CACNA2D3: variants seen among roughly 807,000 people sequenced by gnomAD.
CACNA2D3 encodes voltage-dependent calcium channel subunit alpha-2/delta-3.
A neutral mutation model predicts 160.6 loss-of-function variants in CACNA2D3; 60 were observed. The ratio of observed to expected loss-of-function variants is 0.37; its 90% CI spans 0.30 to 0.46. The LOEUF (loss-of-function observed/expected upper bound fraction) is 0.46. Ranked by LOEUF, CACNA2D3 falls within the 20% of genes least tolerant of loss-of-function variation. The pLI, the probability that CACNA2D3 is intolerant of heterozygous loss-of-function variation, is 1.00. For missense variants in CACNA2D3, 1,205 were observed against 1,365.0 expected (o/e 0.88, Z 1.85); for synonymous variants, 558 against 492.9 (o/e 1.13, Z -1.75).
At chr3:54,508,601 A>G (rs1701409326) in intron 5 of CACNA2D3, among the ~76,000 whole-genome samples, 1 of 152,242 alleles carries the variant, frequency 6.6e-6, no homozygotes, top group African/African-American at 2.4e-5. Flanking sequence ...GCACAGAGGA[A>G]GAAAAAACAT....
chr3:54,464,165 G>T (rs920867398), intron 4 of CACNA2D3, among the ~76,000 whole-genome samples: 1 of 152,200 alleles, frequency 6.6e-6, no homozygotes, highest in Non-Finnish European at 1.5e-5. Context: ...GCCGTGTGAG[G>T]TGTCAGTCTG....
At chr3:54,990,144 G>A (rs1053316804) in intron 31 of CACNA2D3, among the ~76,000 whole-genome samples, 1 of 152,198 alleles carries the variant, frequency 6.6e-6, no homozygotes, top group African/African-American at 2.4e-5. Flanking sequence ...CTCGAGATCA[G>A]TTTACTGTGC....
intron 31 of CACNA2D3, among the ~76,000 whole-genome samples, chr3:54,992,051 C>T (rs1702754756): frequency 6.6e-6 from 1 of 152,078 alleles, no homozygotes; most frequent in Non-Finnish European, 1.5e-5. Context: ...ATTCATGGAC[C>T]TGAACTCTCT....
At chr3:54,986,185 C>T (rs1463371902) in intron 30 of CACNA2D3, among the ~76,000 whole-genome samples, 1 of 152,118 alleles carries the variant, frequency 6.6e-6, no homozygotes, top group East Asian at 1.9e-4. Context: ...TGGATGTCTT[C>T]CGGGGGTGAG....
intron 31 of CACNA2D3, among the ~76,000 whole-genome samples, chr3:55,003,253 G>C (rs531327288): frequency 4.1e-4 from 62 of 152,234 alleles, no homozygotes; most frequent in African/African-American, 1.4e-3. Flanking sequence ...ACTCAGGCTC[G>C]ACTTTACATG....
intron 34 of CACNA2D3, among the ~76,000 whole-genome samples, chr3:55,012,659 CA>C (rs1703234963): frequency 6.6e-6 from 1 of 152,130 alleles, no homozygotes; most frequent in Non-Finnish European, 1.5e-5. Flanking sequence ...GCTGTCATAG[CA>C]TGGGGGAGGA....
At chr3:55,065,526 G>A (rs1704614259) in intron 35 of CACNA2D3, among the ~76,000 whole-genome samples, 1 of 152,276 alleles carries the variant, frequency 6.6e-6, no homozygotes, top group South Asian at 2.1e-4. Flanking sequence ...TTTACCCTTA[G>A]GCATGGGTCA....
chr3:54,383,735 G>A (rs1037706280), intron 3 of CACNA2D3, among the ~76,000 whole-genome samples: 1 of 151,798 alleles, frequency 6.6e-6, no homozygotes, highest in Non-Finnish European at 1.5e-5. Flanking sequence ...TAACTTGAAC[G>A]TGAACATAAA....
chr3:54,791,742 G>T (rs1364255172), intron 13 of CACNA2D3, among the ~76,000 whole-genome samples: 4 of 151,968 alleles, frequency 2.6e-5, no homozygotes, highest in African/African-American at 9.7e-5. Flanking sequence ...ACCAGATTTT[G>T]CTTTAAAAAA....
At chr3:54,410,739 A>G (rs1699653437) in intron 4 of CACNA2D3, among the ~76,000 whole-genome samples, 3 of 152,210 alleles carry the variant, frequency 2.0e-5, no homozygotes, top group Admixed American at 1.3e-4. Context: ...CATGCCTGCT[A>G]ACGCAACATC....
chr3:54,333,616 G>A (rs1394825868), intron 3 of CACNA2D3, among the ~76,000 whole-genome samples: 1 of 152,004 alleles, frequency 6.6e-6, no homozygotes, highest in Non-Finnish European at 1.5e-5. Context: ...CGAGAGTGAA[G>A]CCCCCGGGGC....
chr3:54,182,971 T>C (rs1023825437), intron 2 of CACNA2D3, among the ~76,000 whole-genome samples: 8 of 152,232 alleles, frequency 5.3e-5, no homozygotes, highest in Non-Finnish European at 8.8e-5. Flanking sequence ...TGACATTTCT[T>C]TAAATCACAA....
chr3:54,187,366 G>A (rs1700896362), intron 2 of CACNA2D3, among the ~76,000 whole-genome samples: 1 of 152,150 alleles, frequency 6.6e-6, no homozygotes, highest in Non-Finnish European at 1.5e-5. Context: ...GATTTTAAAG[G>A]CTTGACAATT....
At position 54,896,806 on chromosome 3, in the gene CACNA2D3, C is replaced by G. The variant is rs1469169292; in HGVS notation, c.2304C>G (p.Leu768=). 1.9e-6 allele frequency: 3 copies of G among 1,614,058 alleles called. No homozygotes were observed. Among genetic ancestry groups the G allele is most frequent in the Middle Eastern group, 3.3e-4 (2 of 6,062 alleles). The change falls in exon 26 of 38, where the codon CTC becomes CTG. Residue 768 remains leucine (L), a synonymous_variant. Coordinates refer to ENST00000474759, the MANE Select transcript of CACNA2D3 (RefSeq NM_018398.3). ...ENIFNADHFP[L]WYRRAAEQIP... ...TTTTTAACGCAGACCATTTCCCTCTCTGGTACCGAAGAGCCGCTGAGCAGA... is the reference window on the plus strand; with the variant it reads ...TTTTTAACGCAGACCATTTCCCTCTGTGGTACCGAAGAGCCGCTGAGCAGA...
chr3:54,984,486 C>T, intron 29 of CACNA2D3, 122 bp from the exon 30 acceptor site: 1 of 671,950 alleles, frequency 1.5e-6, no homozygotes, highest in Non-Finnish European at 2.6e-6. Flanking sequence ...TGCCTGAAAA[C>T]AATTGCTTTC....
At chr3:54,590,946 A>G (rs1432283216) in intron 9 of CACNA2D3, among the ~76,000 whole-genome samples, 4 of 152,178 alleles carry the variant, frequency 2.6e-5, no homozygotes, top group African/African-American at 7.2e-5. Flanking sequence ...AATGACAGGA[A>G]GTTTTGATGT....
At chr3:54,179,213 A>G (rs1425793698) in intron 2 of CACNA2D3, among the ~76,000 whole-genome samples, 2 of 152,200 alleles carry the variant, frequency 1.3e-5, no homozygotes, top group Non-Finnish European at 2.9e-5. Context: ...TTCTTTGCTG[A>G]AGATTAAACT....
chr3:54,489,746 G>C (rs981413749), intron 4 of CACNA2D3, among the ~76,000 whole-genome samples: 1 of 152,190 alleles, frequency 6.6e-6, no homozygotes, highest in Non-Finnish European at 1.5e-5. Flanking sequence ...TTCATAAGTG[G>C]CTTGTTAAGT....
intron 35 of CACNA2D3, among the ~76,000 whole-genome samples, chr3:55,044,872 A>G (rs1357396515): frequency 6.6e-6 from 1 of 152,202 alleles, no homozygotes; most frequent in African/African-American, 2.4e-5. Flanking sequence ...ATCATTTGAG[A>G]TAATCATATG....
Sources: gnomAD v4.1 joint callset for allele counts (sites outside exome capture counted in the v4.1 genomes callset) on GRCh38, gnomAD v4.1.1 for gene constraint, MANE v1.5 for transcripts, NCBI Gene and HGNC (gene_info 2026-07-23, HGNC 2026-07-21) for gene names.